The following CSMD1 variants were observed in gnomAD, a reference collection of about 807,000 sequenced individuals.
CSMD1 encodes CUB and sushi domain-containing protein 1.
A neutral mutation model predicts 417.5 loss-of-function variants in CSMD1; 213 were observed. That is an observed-to-expected ratio of 0.51 (90% CI 0.46 to 0.57). CSMD1 has a LOEUF of 0.57. CSMD1 is among the 20% of genes least tolerant of loss of function. CSMD1 has a pLI of 0.00. For synonymous variants in CSMD1, 2,862 were observed against 1,736.8 expected (o/e 1.65, Z -16.11); for missense variants, 6,923 against 4,529.7 (o/e 1.53, Z -15.17).
chr8:4,611,732 A>G (rs1801185734), intron 2 of CSMD1, among the ~76,000 whole-genome samples: 2 of 152,166 alleles, frequency 1.3e-5, no homozygotes, highest in African/African-American at 4.8e-5. Flanking sequence ...TTATAATTAT[A>G]TATTCTCATT....
intron 3 of CSMD1, among the ~76,000 whole-genome samples, chr8:4,217,147 C>G (rs1025538318): frequency 6.6e-6 from 1 of 152,112 alleles, no homozygotes; most frequent in Non-Finnish European, 1.5e-5. Flanking sequence ...TGTAGAAAAG[C>G]CCAGAAATAA....
At chr8:3,879,838 T>C (rs1293659098) in intron 5 of CSMD1, among the ~76,000 whole-genome samples, 5 of 91,512 alleles carry the variant, frequency 5.5e-5, no homozygotes, top group Admixed American at 1.9e-4. Flanking sequence ...TGCGTGTGCG[T>C]GTGTGTGTGT....
intron 49 of CSMD1, among the ~76,000 whole-genome samples, chr8:3,062,856 C>G (rs1318964171): frequency 2.0e-5 from 3 of 152,180 alleles, no homozygotes; most frequent in South Asian, 2.1e-4. Context: ...GTGCAAGTAA[C>G]TGACTTTTAC....
intron 3 of CSMD1, among the ~76,000 whole-genome samples, chr8:4,153,286 G>C (rs1218103796): frequency 1.3e-5 from 2 of 152,180 alleles, no homozygotes; most frequent in African/African-American, 2.4e-5. Context: ...GTCCAAGTTT[G>C]ACTCAGTTCA....
At chr8:3,148,266 G>A (rs1043411038) in intron 40 of CSMD1, among the ~76,000 whole-genome samples, 2 of 152,170 alleles carry the variant, frequency 1.3e-5, no homozygotes, top group African/African-American at 2.4e-5. Flanking sequence ...TCATTTGTAA[G>A]TGCAGATGTC....
At chr8:4,221,917 AG>A (rs1213055579) in intron 3 of CSMD1, among the ~76,000 whole-genome samples, 2 of 152,200 alleles carry the variant, frequency 1.3e-5, no homozygotes, top group African/African-American at 4.8e-5. Flanking sequence ...AAATGCCTAG[AG>A]AAGCTAAGGC....
At chr8:3,905,137 A>C (rs1012618659) in intron 5 of CSMD1, among the ~76,000 whole-genome samples, 1 of 152,168 alleles carries the variant, frequency 6.6e-6, no homozygotes, top group Non-Finnish European at 1.5e-5. Flanking sequence ...ATTCAGAGAG[A>C]ATCCTTCCAT....
Position 4,266,168 on chromosome 8 carries a change from A to T in CSMD1, c.415+153785T>A, listed in dbSNP as rs1383431546. The stretch of plus-strand genomic sequence containing the variant: ...TTCAGCTACTCATCTACCACCAAAA[A>T]CCCAGTGTTATTCACCAAGTTGGAG... On this transcript the variant is annotated intron_variant, in intron 3 of 69. Transcript: ENST00000635120. Among the ~76,000 whole-genome samples the T allele has an allele frequency of 7.7e-4, 80 of 103,918 alleles. 10 individuals are homozygous for T. The highest frequency in any genetic ancestry group is 2.0e-3 in the African/African-American group (77 of 38,232). 68.2% of individuals were successfully genotyped at this position (103,918 alleles called of 152,430 possible).
intron 3 of CSMD1, among the ~76,000 whole-genome samples, chr8:4,289,086 T>G (rs1380369277): frequency 6.6e-6 from 1 of 152,208 alleles, no homozygotes; most frequent in Non-Finnish European, 1.5e-5. Flanking sequence ...AAAATTATAT[T>G]TGGTGTAACA....
chr8:3,752,029 G>T (rs1474657337), intron 6 of CSMD1, among the ~76,000 whole-genome samples: 1 of 152,118 alleles, frequency 6.6e-6, no homozygotes, highest in Non-Finnish European at 1.5e-5. Flanking sequence ...AGTGCAGACA[G>T]AATTTCTCTA....
chr8:4,134,433 T>G (rs1445112203), intron 3 of CSMD1, among the ~76,000 whole-genome samples: 1 of 152,082 alleles, frequency 6.6e-6, no homozygotes, highest in Non-Finnish European at 1.5e-5. Flanking sequence ...AGAAGACAGG[T>G]GTCTACAAGC....
At chr8:3,718,329 A>G (rs541571303) in intron 6 of CSMD1, among the ~76,000 whole-genome samples, 21 of 152,210 alleles carry the variant, frequency 1.4e-4, no homozygotes, top group South Asian at 4.1e-4. Context: ...GTCCTTGAAT[A>G]GGGACTTTTG....
At chr8:3,767,716 T>C (rs1798357458) in intron 5 of CSMD1, among the ~76,000 whole-genome samples, 1 of 152,218 alleles carries the variant, frequency 6.6e-6, no homozygotes. Flanking sequence ...TGTCTACATA[T>C]ACTTTGCGTT....
intron 1 of CSMD1, among the ~76,000 whole-genome samples, chr8:4,714,954 G>A (rs1003734927): frequency 5.9e-5 from 9 of 152,180 alleles, no homozygotes; most frequent in Admixed American, 3.3e-4. Flanking sequence ...TTCTGCTGCT[G>A]TTTTTGTAAA....
At chr8:3,916,636 G>C (rs1259488285) in intron 5 of CSMD1, among the ~76,000 whole-genome samples, 2 of 152,118 alleles carry the variant, frequency 1.3e-5, no homozygotes, top group East Asian at 1.9e-4. Flanking sequence ...TTAACATATA[G>C]GTACCCTGAC....
intron 3 of CSMD1, among the ~76,000 whole-genome samples, chr8:4,107,943 G>C (rs1364131872): frequency 6.6e-6 from 1 of 152,020 alleles, no homozygotes; most frequent in Admixed American, 6.6e-5. Context: ...GCCCCCTACG[G>C]ACTGAAAACT....
chr8:3,980,297 C>T (rs370885926), intron 5 of CSMD1, among the ~76,000 whole-genome samples: 5 of 152,310 alleles, frequency 3.3e-5, no homozygotes, highest in African/African-American at 1.2e-4. Context: ...CAGCCCAATG[C>T]TATTCTTGTC....
chr8:3,214,681 C>G lies in CSMD1; in HGVS notation c.4683G>C (p.Arg1561=), dbSNP rs1033126624. 3 of 1,549,890 alleles carry G rather than the reference C, an allele frequency of 1.9e-6. No homozygotes were observed. Among genetic ancestry groups the G allele is most frequent in the African/African-American group, 2.7e-5 (2 of 72,986 alleles). Residue 1561 remains arginine (R), a synonymous_variant, in exon 30 of 70, where the codon CGG becomes CGC. Coordinates refer to ENST00000635120, the MANE Select transcript of CSMD1 (RefSeq NM_033225.6). ...GFAIEFKEKP[R]EACFDPGNIM... Reference sequence around the variant, plus strand: ...TATTTCCTGGGTCAAAACAAGCTTCCCGTGGTTTCTCTGTGGAAGAAATGA... The same window carrying G: ...TATTTCCTGGGTCAAAACAAGCTTCGCGTGGTTTCTCTGTGGAAGAAATGA...
chr8:4,877,340 T>G (rs1803106521), intron 1 of CSMD1, among the ~76,000 whole-genome samples: 1 of 152,206 alleles, frequency 6.6e-6, no homozygotes, highest in African/African-American at 2.4e-5. Context: ...AGGGTTAAGA[T>G]AAATTATGTT....
Sources: gnomAD v4.1 joint callset for allele counts (sites outside exome capture counted in the v4.1 genomes callset) on GRCh38, gnomAD v4.1.1 for gene constraint, MANE v1.5 for transcripts, NCBI Gene and HGNC (gene_info 2026-07-23, HGNC 2026-07-21) for gene names.